Variants in TECTA observed in about 807,000 individuals in gnomAD.
TECTA encodes the protein tectorin alpha.
Under a neutral mutation model 216.8 loss-of-function variants are expected in TECTA, and 128 were observed. The observed-to-expected ratio is 0.59, with a 90% CI of 0.51 to 0.68. TECTA has a LOEUF of 0.68. Among genes scored for constraint, TECTA ranks in the 30% least tolerant of loss-of-function variants. The pLI, the probability that TECTA is intolerant of heterozygous loss-of-function variation, is 0.00. For missense variants in TECTA, 2,551 were observed against 2,786.2 expected (o/e 0.92, Z 1.90); for synonymous variants, 1,089 against 1,117.1 (o/e 0.97, Z 0.50).
intron 4 of TECTA, among the ~76,000 whole-genome samples, chr11:121,111,930 C>T (rs1946446103): frequency 6.6e-6 from 1 of 152,206 alleles, no homozygotes; most frequent in Admixed American, 6.5e-5. Flanking sequence ...TTACTCATAG[C>T]TTGCCTCCCT....
intron 19 of TECTA, 133 bp from the exon 20 acceptor site, chr11:121,168,544 A>G: frequency 1.5e-6 from 2 of 1,333,944 alleles, no homozygotes; most frequent in Admixed American, 1.8e-5. Context: ...CAGGTACTGT[A>G]TTGGACAGCA....
chr11:121,158,350 C>T (rs1035301209), intron 14 of TECTA, 126 bp downstream of exon 14: 86 of 1,301,508 alleles, frequency 6.6e-5, no homozygotes, highest in Non-Finnish European at 8.5e-5. Context: ...GTTCCACACA[C>T]AGTGACCAGG....
intron 4 of TECTA, chr11:121,110,626 C>T (rs1373713704): frequency 2.6e-5 from 4 of 152,198 alleles, no homozygotes; most frequent in African/African-American, 7.2e-5. Flanking sequence ...AGATCGCTAA[C>T]GACTCCTCGG....
At position 121,113,510 on chromosome 11, in the gene TECTA, G is replaced by A. The variant is rs1946464911; in HGVS notation, c.625-43G>A. 9 of 1,612,696 alleles carry A rather than the reference G, an allele frequency of 5.6e-6. No homozygotes were observed. Among genetic ancestry groups the A allele is most frequent in the Non-Finnish European group, 1.7e-6 (2 of 1,178,986 alleles). On this transcript the variant is annotated intron_variant, in intron 5 of 23. Transcript: ENST00000392793. This position sits in a 1 kb window ranked among gnomAD's most constrained non-coding sequence, Gnocchi z 4.2. ...GTAGTTGGGCCAGTTAACCCATGGG[G>A]AATTTTTGTACTCAAAAATCTTGTC...
rs1402049907 is a variant in TECTA, at chr11:121,145,663, GTA to G, written c.3656_3657del (p.Tyr1219Ter). The G allele has an allele frequency of 6.2e-7, 1 of 1,614,218 alleles. No homozygotes were observed. The highest frequency in any genetic ancestry group is 1.3e-5 in the African/African-American group (1 of 75,044). ...VVETDFGLKV[V>X]YDWKTFLSIT... ...GGAAACTGATTTTGGCCTGAAGGTT[GTA>G]TATGACTGGAAGACCTTCCTGTCCA... On this transcript the variant is annotated frameshift_variant, in exon 12 of 24. Transcript: ENST00000392793. LOFTEE classifies it high-confidence loss of function.
chr11:121,139,836 GCCACA>G (rs1946767207), intron 11 of TECTA, among the ~76,000 whole-genome samples: 1 of 152,204 alleles, frequency 6.6e-6, no homozygotes, highest in Admixed American at 6.5e-5. Flanking sequence ...TTGGCTTTTA[GCCACA>G]TAAGATTTCT....
At chr11:121,168,363 T>C in intron 19 of TECTA, 146 bp downstream of exon 19, 1 of 1,092,990 alleles carries the variant, frequency 9.1e-7, no homozygotes, top group Non-Finnish European at 1.4e-6. Context: ...TCAACCAACA[T>C]TGTTCAATAG....
intron 23 of TECTA, 44 bp downstream of exon 23, chr11:121,189,924 G>C: frequency 6.5e-7 from 1 of 1,534,014 alleles, no homozygotes; most frequent in Non-Finnish European, 9.0e-7. Flanking sequence ...GGAGACACGG[G>C]AGGTTCTTTA....
At chr11:121,161,536 T>TTC (rs1946998168) in intron 15 of TECTA, among the ~76,000 whole-genome samples, 1 of 9,902 alleles carries the variant, frequency 1.0e-4, no homozygotes, top group Admixed American at 9.1e-4. Context: ...CCTCCTTCCC[T>TTC]CCCTCCTTCC....
rs1306907655 is a variant in TECTA at position 121,118,703 on chromosome 11, C to G, written c.1188C>G (p.Ser396Arg). 6.2e-7 allele frequency: 1 copy of G among 1,613,808 alleles called. No individual in the cohort carries two copies. The highest frequency in any genetic ancestry group is 8.5e-7 in the Non-Finnish European group (1 of 1,180,034). ...ACAAGATTCTCATCCCCAAAGGAAG[C>G]TATGGAAGAGTCAAGGTGAGCCCCT... ...NGYKILIPKG[S>R]YGRVKVNDLV... is the part of the protein sequence containing the mutation. The change falls in exon 7 of 24, where the codon AGC (serine) becomes AGG (arginine). Residue 396 changes from serine to arginine, a missense_variant. Transcript: ENST00000392793.
intron 20 of TECTA, among the ~76,000 whole-genome samples, chr11:121,175,093 T>C (rs1947151518): frequency 6.6e-6 from 1 of 152,192 alleles, no homozygotes; most frequent in African/African-American, 2.4e-5. Context: ...TTCTTCTTTA[T>C]TAATCTTGCT....
rs929172225 is a variant in TECTA, at chr11:121,118,572, T to C, written c.1057T>C (p.Leu353=). The change falls in exon 7 of 24, where the codon TTG becomes CTG. Residue 353 remains leucine, a synonymous_variant. Transcript: ENST00000392793. Reference sequence around the variant, plus strand: ...TGCCTACTTGCTGGCCCGACAGTGTTTGCAGACTTCCAGCCTCCCTTTCTT... The same window carrying C: ...TGCCTACTTGCTGGCCCGACAGTGTCTGCAGACTTCCAGCCTCCCTTTCTT... The part of the protein sequence containing the change: ...SCAYLLARQC[L]QTSSLPFFSV... The C allele has an allele frequency of 1.9e-6, 3 of 1,614,202 alleles. No individual in the cohort carries two copies. The highest frequency in any genetic ancestry group is 2.5e-6 in the Non-Finnish European group (3 of 1,180,048).
intron 11 of TECTA, among the ~76,000 whole-genome samples, chr11:121,142,387 G>A (rs571395568): frequency 4.1e-4 from 62 of 152,250 alleles, no homozygotes; most frequent in African/African-American, 1.4e-3. Context: ...CACAGAGAGA[G>A]AGGCAGGGCA....
rs752737269 is a variant in TECTA at position 121,145,570 on chromosome 11, C to T, written c.3559C>T (p.Leu1187Phe). ...CCTCTTACAGGTCAACAGTGAACGG[C>T]TCTATCTGCCCCTGAAGCTGGGGCA... ...KHTVLVNSER[L>F]YLPLKLGQGK... Residue 1187 changes from leucine (L) to phenylalanine (F), a missense_variant, in exon 12 of 24, where the codon CTC becomes TTC. Physicochemically the swap from Leu to Phe is conservative, Grantham distance 22. This residue lies in a region of TECTA where 2,375 missense variants were observed against 2,563.9 expected (regional missense o/e 0.93). Coordinates refer to ENST00000392793, the MANE Select transcript of TECTA (RefSeq NM_005422.4). The T allele has an allele frequency of 1.2e-6, 2 of 1,614,128 alleles. No individual in the cohort carries two copies. The highest frequency in any genetic ancestry group is 1.7e-6 in the Non-Finnish European group (2 of 1,180,056).
chr11:121,171,504 T>A (rs1040921739), intron 20 of TECTA, among the ~76,000 whole-genome samples: 1 of 152,092 alleles, frequency 6.6e-6, no homozygotes, highest in South Asian at 2.1e-4. Context: ...GATCTGTGGG[T>A]TTTTTGTGAG....
chr11:121,129,914 G>A lies in TECTA; in HGVS notation c.2644G>A (p.Glu882Lys), dbSNP rs778979756. The change falls in exon 10 of 24, where the codon GAG becomes AAG. Residue 882 changes from glutamate (E) to lysine (K), a missense_variant. This residue lies in a region of TECTA where 2,375 missense variants were observed against 2,563.9 expected (regional missense o/e 0.93). Coordinates refer to ENST00000392793, the MANE Select transcript of TECTA (RefSeq NM_005422.4). ...GTTCCTGGAAAGCTGGACAACTTTCGAGGAGATCTGCAATGGAGAGTGTGG... is the reference window on the plus strand; with the variant it reads ...GTTCCTGGAAAGCTGGACAACTTTCAAGGAGATCTGCAATGGAGAGTGTGG... The part of the protein sequence containing the change: ...AVFLESWTTF[E>K]EICNGECGDL... 35 of 1,613,652 alleles carry A rather than the reference G, an allele frequency of 2.2e-5. No individual in the cohort carries two copies. The highest frequency in any genetic ancestry group is 4.5e-5 in the East Asian group (2 of 44,892).
At chr11:121,156,719 C>T (rs963018001) in intron 13 of TECTA, among the ~76,000 whole-genome samples, 1 of 151,138 alleles carries the variant, frequency 6.6e-6, no homozygotes, top group Non-Finnish European at 1.5e-5. Context: ...TATCTGAAAC[C>T]CCTGGGCTCA....
Position 121,125,688 on chromosome 11 carries a change from A to C in TECTA, c.1590A>C (p.Thr530=), listed in dbSNP as rs1277363659. The part of the protein sequence containing the change: ...GSDYCGFLNK[T]DGPLWECGTV... ...ACTACTGCGGCTTCCTCAACAAGACAGACGGCCCTCTGTGGGAGTGTGGCA... is the reference window on the plus strand; with the variant it reads ...ACTACTGCGGCTTCCTCAACAAGACCGACGGCCCTCTGTGGGAGTGTGGCA... Residue 530 remains threonine (T), a synonymous_variant, in exon 8 of 24, where the codon ACA becomes ACC. Transcript: ENST00000392793. 1.2e-6 allele frequency: 2 copies of C among 1,609,960 alleles called. No homozygotes were observed. Among genetic ancestry groups the C allele is most frequent in the Non-Finnish European group, 1.7e-6 (2 of 1,176,408 alleles).
chr11:121,140,067 T>C (rs914454839), intron 11 of TECTA, among the ~76,000 whole-genome samples: 2 of 152,242 alleles, frequency 1.3e-5, no homozygotes, highest in African/African-American at 2.4e-5. Flanking sequence ...CTTTGGCCTT[T>C]CTGCCTTTCA....
Sources: gnomAD v4.1 joint callset for allele counts (sites outside exome capture counted in the v4.1 genomes callset) on GRCh38, gnomAD v4.1.1 for gene constraint, gnomAD v4.1.1 regional missense constraint, Gnocchi (gnomAD v3.1) non-coding constraint, MANE v1.5 for transcripts, NCBI Gene and HGNC (gene_info 2026-07-23, HGNC 2026-07-21) for gene names.